Variants in TMEM232 observed in about 807,000 individuals in gnomAD.
The protein encoded by TMEM232 is transmembrane protein 232.
TMEM232 carries 80 observed loss-of-function variants against 78.8 expected under a neutral mutation model. That is an observed-to-expected ratio of 1.01 (90% confidence interval 0.85 to 1.22). The LOEUF (loss-of-function observed/expected upper bound fraction) is 1.22. Ranked by LOEUF, TMEM232 falls within the 50% of genes most tolerant of loss-of-function variation. The pLI, the probability that TMEM232 is intolerant of heterozygous loss-of-function variation, is 0.00. For missense variants in TMEM232, 881 were observed against 742.2 expected (o/e 1.19, Z -2.17); for synonymous variants, 297 against 254.3 (o/e 1.17, Z -1.60).
At chr5:110,736,179 C>T (rs1799141244) in intron 1 of TMEM232, among the ~76,000 whole-genome samples, 2 of 152,084 alleles carry the variant, frequency 1.3e-5, no homozygotes, top group Non-Finnish European at 2.9e-5. Context: ...TAGTTTGAAG[C>T]AATAAACTCT....
At chr5:110,486,019 G>C (rs1184847351) in intron 12 of TMEM232, among the ~76,000 whole-genome samples, 1 of 152,024 alleles carries the variant, frequency 6.6e-6, no homozygotes, top group Non-Finnish European at 1.5e-5. Context: ...CATTCTTGCA[G>C]GAGTAAGGTG....
At chr5:110,431,058 T>G (rs553831806) in intron 12 of TMEM232, among the ~76,000 whole-genome samples, 43 of 151,718 alleles carry the variant, frequency 2.8e-4, no homozygotes, top group South Asian at 6.2e-4. Context: ...TTGGCAATCT[T>G]ACAGGGTTGA....
At chr5:110,568,231 T>G (rs1776555515) in intron 11 of TMEM232, among the ~76,000 whole-genome samples, 1 of 151,964 alleles carries the variant, frequency 6.6e-6, no homozygotes, top group African/African-American at 2.4e-5. Flanking sequence ...ATTCTGTTTC[T>G]ATTACAGATT....
At chr5:110,482,628 G>A (rs928772540) in intron 12 of TMEM232, among the ~76,000 whole-genome samples, 9 of 150,456 alleles carry the variant, frequency 6.0e-5, no homozygotes, top group African/African-American at 2.0e-4. Context: ...TTAATGATGA[G>A]CTTACATAAC....
intron 2 of TMEM232, among the ~76,000 whole-genome samples, chr5:110,734,421 T>C (rs1798969355): frequency 6.6e-6 from 1 of 152,222 alleles, no homozygotes; most frequent in African/African-American, 2.4e-5. Context: ...TGCCCAAGGA[T>C]ATCACTCTAC....
At chr5:110,631,151 A>C (rs1361340403) in intron 5 of TMEM232, among the ~76,000 whole-genome samples, 4 of 152,138 alleles carry the variant, frequency 2.6e-5, no homozygotes, top group Non-Finnish European at 5.9e-5. Flanking sequence ...TGCTGGACAC[A>C]AAGGTGCTAC....
chr5:110,689,771 C>A lies in TMEM232; in HGVS notation c.-12-22407G>T, dbSNP rs1205649679. 2.6e-5 allele frequency among the ~76,000 whole-genome samples: 4 copies of A among 152,170 alleles called. No homozygotes were observed. The East Asian group carries it at 7.7e-4, about 29-fold the overall frequency. Reference sequence around the variant, plus strand: ...CTACAGTAACCAAAACAGCATGGTACTGGTACCAAAACAGATATATAGACC... The same window carrying A: ...CTACAGTAACCAAAACAGCATGGTAATGGTACCAAAACAGATATATAGACC... On this transcript the variant is annotated intron_variant, in intron 1 of 13. Coordinates refer to ENST00000455884, the MANE Select transcript of TMEM232 (RefSeq NM_001039763.4).
At chr5:110,400,818 T>C (rs995738280) in intron 2 of TMEM232, among the ~76,000 whole-genome samples, 2 of 152,138 alleles carry the variant, frequency 1.3e-5, no homozygotes, top group Non-Finnish European at 2.9e-5. Context: ...ACATCCCTGG[T>C]TATCATACTG....
chr5:110,479,550 T>C (rs867776213), intron 12 of TMEM232, among the ~76,000 whole-genome samples: 4 of 151,900 alleles, frequency 2.6e-5, no homozygotes, highest in East Asian at 1.9e-4. Flanking sequence ...TTATAAAGTA[T>C]ATATCATTTT....
At chr5:110,527,123 G>C (rs534130611) in intron 12 of TMEM232, among the ~76,000 whole-genome samples, 1 of 151,666 alleles carries the variant, frequency 6.6e-6, no homozygotes, top group Non-Finnish European at 1.5e-5. Flanking sequence ...GGGAAAGAAG[G>C]GTCTATAATC....
chr5:110,438,855 TC>T (rs1580684518), intron 12 of TMEM232, among the ~76,000 whole-genome samples: 1 of 152,126 alleles, frequency 6.6e-6, no homozygotes, highest in Non-Finnish European at 1.5e-5. Flanking sequence ...CCATGGATCA[TC>T]CTGGAAACTA....
chr5:110,610,186 C>T (rs1782011317), intron 8 of TMEM232, among the ~76,000 whole-genome samples: 1 of 79,316 alleles, frequency 1.3e-5, no homozygotes, highest in African/African-American at 5.6e-5. Context: ...TATCTAATTA[C>T]AGAAGGAAGG....
intron 10 of TMEM232, among the ~76,000 whole-genome samples, chr5:110,587,691 ATGTGTGTG>A (rs147127408): frequency 0.014 from 884 of 62,884 alleles, 8 homozygotes; most frequent in African/African-American, 0.044. Flanking sequence ...ATATATATAT[ATGTGTGTG>A]TGTGTGTGTG....
chr5:110,600,169 A>G (rs1780707603), intron 10 of TMEM232, among the ~76,000 whole-genome samples: 1 of 152,218 alleles, frequency 6.6e-6, no homozygotes, highest in South Asian at 2.1e-4. Context: ...AGCAGTTTTA[A>G]AAGGGAAATT....
intron 2 of TMEM232, among the ~76,000 whole-genome samples, chr5:110,643,649 G>GA (rs1474088482): frequency 2.0e-5 from 3 of 151,944 alleles, no homozygotes; most frequent in Non-Finnish European, 4.4e-5. Context: ...AGAATAATCT[G>GA]AAAAAATAAA....
At chr5:110,718,089 T>C (rs1265852136) in intron 1 of TMEM232, among the ~76,000 whole-genome samples, 1 of 152,192 alleles carries the variant, frequency 6.6e-6, no homozygotes, top group Admixed American at 6.5e-5. Flanking sequence ...AGTTTATTTC[T>C]ATATAAACTG....
chr5:110,548,898 A>G (rs1368430061), intron 11 of TMEM232, among the ~76,000 whole-genome samples: 2 of 152,172 alleles, frequency 1.3e-5, no homozygotes, highest in East Asian at 3.9e-4. Context: ...TAAAAATCAT[A>G]ATGATTATAA....
chr5:110,592,070 C>A (rs1310027945), intron 10 of TMEM232, among the ~76,000 whole-genome samples: 1 of 152,062 alleles, frequency 6.6e-6, no homozygotes, highest in African/African-American at 2.4e-5. Flanking sequence ...TACAAAGGAT[C>A]ATGTTACAAT....
intron 3 of TMEM232, among the ~76,000 whole-genome samples, chr5:110,390,945 C>T (rs1018779671): frequency 6.6e-6 from 1 of 152,172 alleles, no homozygotes; most frequent in Admixed American, 6.5e-5. Flanking sequence ...CTCCCAGTTC[C>T]ATTATAATAC....
Sources: gnomAD v4.1 joint callset for allele counts (sites outside exome capture counted in the v4.1 genomes callset) on GRCh38, gnomAD v4.1.1 for gene constraint, MANE v1.5 for transcripts, NCBI Gene and HGNC (gene_info 2026-07-23, HGNC 2026-07-21) for gene names.